Variants in PIK3C2G observed in about 807,000 individuals in gnomAD.
PIK3C2G encodes the protein phosphatidylinositol-4-phosphate 3-kinase catalytic subunit type 2 gamma.
A neutral mutation model predicts 181.1 loss-of-function variants in PIK3C2G; 168 were observed. The ratio of observed to expected loss-of-function variants is 0.93; its 90% CI spans 0.82 to 1.05. The LOEUF (loss-of-function observed/expected upper bound fraction) is 1.05, where lower values mean the gene tolerates loss of function less well. Ranked by LOEUF, PIK3C2G falls within the 50% of genes least tolerant of loss-of-function variation. The pLI, the probability that PIK3C2G is intolerant of heterozygous loss-of-function variation, is 0.00. For synonymous variants in PIK3C2G, 573 were observed against 592.2 expected, an observed-to-expected ratio of 0.97 and a Z score of 0.47; for missense variants, 1,869 against 1,732.8, an observed-to-expected ratio of 1.08 and a Z score of -1.40.
At chr12:18,570,621 A>C (rs1945884918) in intron 29 of PIK3C2G, among the ~76,000 whole-genome samples, 1 of 150,356 alleles carries the variant, frequency 6.7e-6, no homozygotes, top group African/African-American at 2.5e-5. Flanking sequence ...GCATTATCCA[A>C]GCAGGTTTCC....
Position 18,293,689 on chromosome 12 carries a change from C to A in PIK3C2G, c.920-212C>A, listed in dbSNP as rs138115456. Among the ~76,000 whole-genome samples the A allele has an allele frequency of 6.9e-3, 1,045 of 152,206 alleles. 4 individuals carry two copies. The highest frequency in any genetic ancestry group is 9.2e-3 in the Non-Finnish European group (624 of 67,976). ...TTTGTTATATCACATGAAAGCAGAA[C>A]TGATCAAAGGAATTGCAAACAACAT... is the stretch of plus-strand genomic sequence containing the variant. On this transcript the variant is annotated intron_variant, in intron 4 of 32. Coordinates refer to ENST00000538779, the MANE Select transcript of PIK3C2G (RefSeq NM_001288772.2).
In PIK3C2G at chr12:18,293,976, A is replaced by G; in HGVS notation, c.995A>G (p.His332Arg). The change falls in exon 5 of 33, where the codon CAT becomes CGT. Residue 332 changes from histidine (H) to arginine (R), a missense_variant. Coordinates refer to ENST00000538779, the MANE Select transcript of PIK3C2G (RefSeq NM_001288772.2). ...CTNDQLLPKD[H>R]ILSVCGSEEF... is the part of the protein sequence containing the mutation. ...AATGACCAGCTACTCCCCAAAGATC[A>G]TATTCTAAGTGTATGTGGCTCTGAA... The G allele has an allele frequency of 6.3e-7, 1 of 1,597,990 alleles. No homozygotes were observed. The highest frequency in any genetic ancestry group is 8.6e-7 in the Non-Finnish European group (1 of 1,165,520).
upstream of PIK3C2G, among the ~76,000 whole-genome samples, chr12:18,259,978 C>A (rs1028244132): frequency 6.6e-6 from 1 of 151,946 alleles, no homozygotes; most frequent in Non-Finnish European, 1.5e-5. Flanking sequence ...AATAGGTAAG[C>A]GTACATGTTA....
chr12:18,465,992 T>C (rs1226905277), intron 18 of PIK3C2G, among the ~76,000 whole-genome samples: 1 of 151,624 alleles, frequency 6.6e-6, no homozygotes, highest in Non-Finnish European at 1.5e-5. Flanking sequence ...TTCTAGATAA[T>C]TTTTTAAAAA....
intron 2 of PIK3C2G, among the ~76,000 whole-genome samples, chr12:18,285,950 CA>C (rs1479557700): frequency 2.6e-5 from 4 of 151,272 alleles, no homozygotes; most frequent in African/African-American, 9.7e-5. Context: ...ACAAGGGACA[CA>C]AGAAACAAAG....
intron 5 of PIK3C2G, among the ~76,000 whole-genome samples, chr12:18,307,911 T>C (rs1439055947): frequency 1.3e-5 from 2 of 151,940 alleles, no homozygotes; most frequent in Non-Finnish European, 2.9e-5. Flanking sequence ...ACAGTTTCTT[T>C]AACTCAATAT....
chr12:18,641,743 C>CTTTTTTTTTTTTTTTTTTTTT lies in PIK3C2G; in HGVS notation c.4308+1209_4308+1210insTTTTTTTTTTTTTTTTTTTTT, dbSNP rs11285609. Among the ~76,000 whole-genome samples, 14 of 93,176 alleles carry CTTTTTTTTTTTTTTTTTTTTT rather than the reference C, an allele frequency of 1.5e-4. 4 individuals carry two copies. The highest frequency in any genetic ancestry group is 6.9e-4 in the African/African-American group (14 of 20,344). 61.1% of individuals were successfully genotyped at this position (93,176 alleles called of 152,430 possible). ...AAAACCCTGGCTTCTCTCTCTCAAGCTTTTTTTTTTTTTTTTTTTTGAGAT... is the reference window on the plus strand; with the variant it reads ...AAAACCCTGGCTTCTCTCTCTCAAGCTTTTTTTTTTTTTTTTTTTTTTTTTTTTTTTTTTTTTTTTTGAGAT... On this transcript the variant is annotated intron_variant, in intron 32 of 32. Coordinates refer to ENST00000538779, the MANE Select transcript of PIK3C2G (RefSeq NM_001288772.2).
intron 8 of PIK3C2G, among the ~76,000 whole-genome samples, chr12:18,336,390 G>A (rs531362652): frequency 6.6e-6 from 1 of 152,176 alleles, no homozygotes; most frequent in East Asian, 1.9e-4. Flanking sequence ...AATGAATACT[G>A]TATTAACAGT....
At chr12:18,664,041 A>G in the PIK3C2G span, among the ~76,000 whole-genome samples, 2 of 152,182 alleles carry the variant, frequency 1.3e-5, no homozygotes, top group South Asian at 4.1e-4. Flanking sequence ...CAAAACTACA[A>G]TGATATAACA....
chr12:18,406,367 C>G (rs1369374033), intron 16 of PIK3C2G, among the ~76,000 whole-genome samples: 1 of 151,974 alleles, frequency 6.6e-6, no homozygotes, highest in Non-Finnish European at 1.5e-5. Flanking sequence ...CTTTGACATA[C>G]TAATTTTAAT....
Position 18,625,522 on chromosome 12 carries a change from C to T in PIK3C2G, c.4183-14907C>T, listed in dbSNP as rs150697613. Among the ~76,000 whole-genome samples, 1,183 of 151,804 alleles carry T rather than the reference C, an allele frequency of 7.8e-3. 9 individuals carry two copies. The highest frequency in any genetic ancestry group is 0.012 in the African/African-American group (514 of 41,512). ...GCTGTTGGATGGAATGTTCCAGATA[C>T]ATCCATTGCGTCCTTTTGGTCTAAA... On this transcript the variant is annotated intron_variant, in intron 31 of 32. Transcript: ENST00000538779.
intron 2 of PIK3C2G, among the ~76,000 whole-genome samples, chr12:18,285,826 A>G (rs938760683): frequency 2.6e-5 from 4 of 152,008 alleles, no homozygotes; most frequent in Non-Finnish European, 5.9e-5. Context: ...TAAATAAGAC[A>G]GTCTTAAATC....
At chr12:18,691,313 TA>T in the PIK3C2G span, among the ~76,000 whole-genome samples, 1 of 152,150 alleles carries the variant, frequency 6.6e-6, no homozygotes, top group Non-Finnish European at 1.5e-5. Flanking sequence ...CAAGTTTTAC[TA>T]TTTTAAATTT....
intron 24 of PIK3C2G, among the ~76,000 whole-genome samples, chr12:18,515,849 A>T (rs907639275): frequency 2.0e-5 from 3 of 151,936 alleles, no homozygotes; most frequent in African/African-American, 7.2e-5. Flanking sequence ...TGCATTTATT[A>T]ATATAAATTT....
chr12:18,611,303 C>T (rs1216838257), intron 31 of PIK3C2G, among the ~76,000 whole-genome samples: 2 of 151,978 alleles, frequency 1.3e-5, no homozygotes, highest in Non-Finnish European at 2.9e-5. Flanking sequence ...CTCTATAATA[C>T]CAATGCTCTC....
chr12:18,419,506 G>C (rs1439148451), intron 16 of PIK3C2G, among the ~76,000 whole-genome samples: 1 of 152,272 alleles, frequency 6.6e-6, no homozygotes, highest in South Asian at 2.1e-4. Flanking sequence ...AAGTCTTAAT[G>C]TACTAAAACA....
chr12:18,661,051 T>C, the PIK3C2G span, among the ~76,000 whole-genome samples: 7 of 152,146 alleles, frequency 4.6e-5, no homozygotes, highest in Non-Finnish European at 1.5e-5. Context: ...GGTATATATA[T>C]GAGCAGTTAG....
At chr12:18,578,296 C>A (rs750860132) in intron 29 of PIK3C2G, among the ~76,000 whole-genome samples, 1 of 152,146 alleles carries the variant, frequency 6.6e-6, no homozygotes. Flanking sequence ...TATAACTTCA[C>A]ACGTTGGGTT....
chr12:18,371,154 A>T, intron 12 of PIK3C2G, 26 bp from the exon 13 acceptor site: 2 of 1,578,994 alleles, frequency 1.3e-6, no homozygotes, highest in Non-Finnish European at 1.7e-6. Flanking sequence ...TGGGTAGGTA[A>T]TGCTTCTTCT....
Sources: allele counts gnomAD v4.1 joint callset (sites outside exome capture counted in the v4.1 genomes callset), GRCh38; gene constraint gnomAD v4.1.1; transcripts MANE v1.5; gene names NCBI Gene and HGNC (gene_info 2026-07-23, HGNC 2026-07-21).